Variants in FMO5 observed in about 807,000 individuals in gnomAD.
FMO5 encodes the protein flavin containing dimethylaniline monoxygenase 5, also known as flavin-containing monooxygenase 5.
Under a neutral mutation model 43.6 loss-of-function variants are expected in FMO5, and 51 were observed. The observed-to-expected ratio is 1.17, with a 90% CI of 0.93 to 1.48. FMO5 has a LOEUF of 1.48. Among genes scored for constraint, FMO5 ranks in the 40% most tolerant of loss-of-function variants. The probability of loss-of-function intolerance (pLI) is 0.00; values close to 1 mark genes in which losing one functional copy is unlikely to be tolerated. For missense variants in FMO5, 644 were observed against 643.0 expected (o/e 1.00, Z -0.02); for synonymous variants, 187 against 216.5 (o/e 0.86, Z 1.20).
intron 7 of FMO5, among the ~76,000 whole-genome samples, chr1:147,196,461 T>G (rs112122146): frequency 6.6e-6 from 1 of 151,948 alleles, no homozygotes; most frequent in African/African-American, 2.4e-5. Flanking sequence ...ATTTCTTGAT[T>G]GTGGGAGACA....
Position 147,186,854 on chromosome 1 carries a change from G to A in FMO5, c.*46C>T. ...ATCTCGTCAGATTCTGAAGGCATCT[G>A]TAGATAAGCTTCCCAATGAAAAACA... On this transcript the variant is annotated 3_prime_UTR_variant, in exon 9 of 9. Transcript: ENST00000254090. 1 of 1,572,856 alleles carries A rather than the reference G, an allele frequency of 6.4e-7. No individual in the cohort carries two copies. The highest frequency in any genetic ancestry group is 1.2e-5 in the South Asian group (1 of 82,958).
chr1:147,194,258 T>G (rs1553919228), intron 7 of FMO5, among the ~76,000 whole-genome samples: 2 of 152,094 alleles, frequency 1.3e-5, no homozygotes, highest in East Asian at 1.9e-4. Flanking sequence ...TTACCATTAT[T>G]TAATGGCCTT....
chr1:147,223,405 G>A (rs1663411437), intron 2 of FMO5: 2 of 152,256 alleles, frequency 1.3e-5, no homozygotes, highest in South Asian at 4.1e-4. Flanking sequence ...ACTAAGAAAT[G>A]CTATAAAGCC....
chr1:147,191,170 A>T (rs1656705351), intron 7 of FMO5, among the ~76,000 whole-genome samples: 1 of 152,176 alleles, frequency 6.6e-6, no homozygotes, highest in South Asian at 2.1e-4. Context: ...TTATAGCAGC[A>T]TGATTTATAA....
chr1:147,203,876 G>C (rs953507997), intron 6 of FMO5: 7 of 1,580,556 alleles, frequency 4.4e-6, no homozygotes, highest in Non-Finnish European at 6.1e-6. Context: ...TCCAACTTCT[G>C]AGAGGTAAAC....
chr1:147,201,059 T>A, intron 7 of FMO5, 93 bp downstream of exon 7: 1 of 877,226 alleles, frequency 1.1e-6, no homozygotes, highest in Non-Finnish European at 1.8e-6. Flanking sequence ...GTTGTAATCA[T>A]ACATGCTATC....
intron 8 of FMO5, among the ~76,000 whole-genome samples, chr1:147,188,371 A>G (rs1656004715): frequency 6.6e-6 from 1 of 151,960 alleles, no homozygotes; most frequent in Non-Finnish European, 1.5e-5. Flanking sequence ...AGAAAACACA[A>G]AAATTAGCTG....
At chr1:147,208,758 T>C (rs1201606118) in intron 6 of FMO5, 94 bp downstream of exon 6, 24 of 1,026,870 alleles carry the variant, frequency 2.3e-5, no homozygotes, top group Non-Finnish European at 3.4e-5. Flanking sequence ...TTTCTTAATG[T>C]ATGGGTAGAG....
chr1:147,205,019 C>G (rs1023615121), intron 6 of FMO5: 1 of 740,344 alleles, frequency 1.4e-6, no homozygotes, highest in Non-Finnish European at 2.4e-6. Flanking sequence ...CCTGGAGATA[C>G]ATTCAGTCAC....
At chr1:147,221,537 G>T (rs1368514347) in intron 2 of FMO5, among the ~76,000 whole-genome samples, 1 of 152,200 alleles carries the variant, frequency 6.6e-6, no homozygotes, top group African/African-American at 2.4e-5. Flanking sequence ...GCTGTATGGA[G>T]AGCAGGTGAG....
Position 147,204,239 on chromosome 1 carries a change from G to A in FMO5, c.831-2735C>T, listed in dbSNP as rs141656701. 410 of 1,259,302 alleles carry A rather than the reference G, an allele frequency of 3.3e-4. No individual in the cohort carries two copies. In the Middle Eastern group the frequency reaches 6.8e-3, roughly 21 times the overall value. The allele number at this position is 1,259,302 out of a possible 1,614,324, so 78.0% of individuals were successfully genotyped here. Reference sequence around the variant, plus strand: ...TGCTATTTTTGCATCTTTGACAGATGTACATCACCTTCTGTTTCCTTCTTA... The same window carrying A: ...TGCTATTTTTGCATCTTTGACAGATATACATCACCTTCTGTTTCCTTCTTA... On this transcript the variant is annotated intron_variant, in intron 6 of 8. Coordinates refer to ENST00000254090, the MANE Select transcript of FMO5 (RefSeq NM_001461.4).
At chr1:147,196,456 T>C (rs6668865) in intron 7 of FMO5, among the ~76,000 whole-genome samples, 5,600 of 152,020 alleles carry the variant, frequency 0.037, 158 homozygotes, top group South Asian at 0.095. Context: ...GGTATATTTC[T>C]TGATTGTGGG....
At chr1:147,202,599 T>G (rs1444540495) in intron 6 of FMO5, among the ~76,000 whole-genome samples, 6 of 152,188 alleles carry the variant, frequency 3.9e-5, no homozygotes, top group Admixed American at 3.9e-4. Context: ...ATTACAGGCG[T>G]GAGCCACAGC....
At chr1:147,203,509 G>A (rs55943908) in intron 6 of FMO5, 53,146 of 865,430 alleles carry the variant, frequency 0.061, 2,401 homozygotes, top group East Asian at 0.2. Context: ...TCCTTCTTGA[G>A]GTACTGCATA....
At chr1:147,206,883 T>C (rs963385903) in intron 6 of FMO5, among the ~76,000 whole-genome samples, 16 of 151,948 alleles carry the variant, frequency 1.1e-4, no homozygotes, top group Non-Finnish European at 2.2e-4. Flanking sequence ...TATATACATA[T>C]ATAACAAACC....
chr1:147,204,256 TC>T, intron 6 of FMO5: 1 of 1,134,590 alleles, frequency 8.8e-7, no homozygotes, highest in Non-Finnish European at 1.3e-6. Context: ...ACCTTCTGTT[TC>T]CTTCTTAAAA....
intron 7 of FMO5, among the ~76,000 whole-genome samples, chr1:147,191,858 C>G (rs1656900052): frequency 6.6e-6 from 1 of 151,996 alleles, no homozygotes; most frequent in Non-Finnish European, 1.5e-5. Context: ...CTGTCCTGTT[C>G]CATTGATCTA....
At chr1:147,203,679 A>C in intron 6 of FMO5, 1 of 1,472,236 alleles carries the variant, frequency 6.8e-7, no homozygotes, top group Middle Eastern at 1.8e-4. Flanking sequence ...TGTTTGGCTA[A>C]TTCAATTTCT....
intron 2 of FMO5, among the ~76,000 whole-genome samples, chr1:147,224,686 A>G (rs1553927088): frequency 6.6e-6 from 1 of 151,686 alleles, no homozygotes; most frequent in Non-Finnish European, 1.5e-5. Context: ...ATTTTTTTGC[A>G]TTTTTAGTAG....
Sources: gnomAD v4.1 joint callset for allele counts (sites outside exome capture counted in the v4.1 genomes callset) on GRCh38, gnomAD v4.1.1 for gene constraint, MANE v1.5 for transcripts, NCBI Gene and HGNC (gene_info 2026-07-23, HGNC 2026-07-21) for gene names.